CDH13: variants seen among roughly 807,000 people sequenced by gnomAD.
The protein encoded by CDH13 is cadherin 13.
A neutral mutation model predicts 63.8 loss-of-function variants in CDH13; 24 were observed. The ratio of observed to expected loss-of-function variants is 0.38; its 90% CI spans 0.27 to 0.53. The LOEUF is 0.53. CDH13 is among the 20% of genes least tolerant of loss of function. The pLI is 0.85. For missense variants in CDH13, 1,049 were observed against 903.1 expected (o/e 1.16, Z -2.07); for synonymous variants, 503 against 355.3 (o/e 1.42, Z -4.67).
At chr16:83,630,420 G>C (rs1380548854) in intron 8 of CDH13, among the ~76,000 whole-genome samples, 1 of 152,154 alleles carries the variant, frequency 6.6e-6, no homozygotes, top group East Asian at 1.9e-4. Context: ...ATGCATTTTA[G>C]GGACACATGA....
chr16:83,783,040 C>T (rs1304355448), intron 12 of CDH13, among the ~76,000 whole-genome samples: 3 of 152,166 alleles, frequency 2.0e-5, no homozygotes, highest in East Asian at 1.9e-4. Context: ...AGCCAGCAGC[C>T]ATGTGTGGCT....
intron 2 of CDH13, among the ~76,000 whole-genome samples, chr16:83,012,840 G>A (rs1285595363): frequency 6.6e-6 from 1 of 152,108 alleles, no homozygotes; most frequent in Admixed American, 6.5e-5. Flanking sequence ...AAAAAGTTAA[G>A]CCTCTTGAGA....
chr16:83,464,901 C>G (rs1307612081), intron 6 of CDH13, among the ~76,000 whole-genome samples: 5 of 152,284 alleles, frequency 3.3e-5, no homozygotes, highest in Admixed American at 6.5e-5. Context: ...CCTCGGCCTC[C>G]CAAAGTACTG....
intron 2 of CDH13, among the ~76,000 whole-genome samples, chr16:82,997,172 G>A (rs111596036): frequency 0.022 from 3,414 of 152,110 alleles, 123 homozygotes; most frequent in African/African-American, 0.075. Flanking sequence ...TAGTGATGGT[G>A]ATGATGGTGG....
chr16:83,748,649 T>G (rs151188880), intron 11 of CDH13, among the ~76,000 whole-genome samples: 1 of 152,354 alleles, frequency 6.6e-6, no homozygotes, highest in East Asian at 1.9e-4. Flanking sequence ...ATTGTTCTTG[T>G]AGCTTTTATC....
intron 1 of CDH13, among the ~76,000 whole-genome samples, chr16:82,663,809 G>A (rs920012340): frequency 6.6e-6 from 1 of 152,172 alleles, no homozygotes; most frequent in Non-Finnish European, 1.5e-5. Flanking sequence ...TCCCCTTTGT[G>A]ATCCTCTTCT....
At chr16:83,166,513 T>C (rs1158001586) in intron 4 of CDH13, among the ~76,000 whole-genome samples, 4 of 152,110 alleles carry the variant, frequency 2.6e-5, no homozygotes, top group Admixed American at 1.3e-4. Context: ...CAGAAACATA[T>C]GAACTTCAAG....
At chr16:83,668,180 T>G (rs1019558017) in intron 8 of CDH13, among the ~76,000 whole-genome samples, 1 of 152,146 alleles carries the variant, frequency 6.6e-6, no homozygotes, top group East Asian at 1.9e-4. Flanking sequence ...GCTTTGTCCC[T>G]TCACATTCCC....
intron 2 of CDH13, among the ~76,000 whole-genome samples, chr16:82,919,902 T>C (rs2042102309): frequency 6.6e-6 from 1 of 152,172 alleles, no homozygotes; most frequent in Non-Finnish European, 1.5e-5. Context: ...TATTGAAACT[T>C]AGAGTCAAAT....
rs1447663281 is a variant in CDH13, at chr16:83,670,815, C to T, written c.1127C>T (p.Ala376Val). 1.2e-6 allele frequency: 2 copies of T among 1,613,828 alleles called. No homozygotes were observed. Among genetic ancestry groups the T allele is most frequent in the Non-Finnish European group, 1.7e-6 (2 of 1,179,844 alleles). ...TTTCAAGCCACAGTCGAGGAAGGAG[C>T]TGTGGGAGTTATTGTCAATTTGACA... is the stretch of plus-strand genomic sequence containing the variant. ...KEFQATVEEG[A>V]VGVIVNLTVE... Residue 376 changes from alanine to valine, a missense_variant, in exon 9 of 14, where the codon GCT (alanine) becomes GTT (valine). Coordinates refer to ENST00000567109, the MANE Select transcript of CDH13 (RefSeq NM_001257.5).
chr16:83,740,568 G>C (rs567332380), intron 10 of CDH13, among the ~76,000 whole-genome samples: 18 of 152,136 alleles, frequency 1.2e-4, no homozygotes, highest in Non-Finnish European at 2.5e-4. Flanking sequence ...GCAAAGTTTT[G>C]GTCCATGTGC....
chr16:83,337,377 T>A (rs2090621675), intron 5 of CDH13, among the ~76,000 whole-genome samples: 1 of 152,138 alleles, frequency 6.6e-6, no homozygotes, highest in African/African-American at 2.4e-5. Context: ...TTTAGCTCCT[T>A]CTCCATTTCA....
At chr16:83,147,083 A>G (rs1438040805) in intron 4 of CDH13, among the ~76,000 whole-genome samples, 2 of 152,112 alleles carry the variant, frequency 1.3e-5, no homozygotes, top group East Asian at 1.9e-4. Flanking sequence ...GTGAGACTCC[A>G]TCTTAAAAAA....
chr16:83,045,587 A>G (rs1036205607), intron 3 of CDH13, among the ~76,000 whole-genome samples: 2 of 149,788 alleles, frequency 1.3e-5, no homozygotes, highest in Non-Finnish European at 1.5e-5. Flanking sequence ...CAGTGATCCA[A>G]GATCACGCCA....
chr16:82,711,049 A>G (rs1406831595), intron 1 of CDH13, among the ~76,000 whole-genome samples: 4 of 151,900 alleles, frequency 2.6e-5, no homozygotes, highest in African/African-American at 7.3e-5. Context: ...AGTAGCTGAA[A>G]GTCTGGGCCA....
At chr16:82,675,932 A>C (rs1203007194) in intron 1 of CDH13, among the ~76,000 whole-genome samples, 1 of 152,178 alleles carries the variant, frequency 6.6e-6, no homozygotes, top group Non-Finnish European at 1.5e-5. Context: ...TGTAAGCAGC[A>C]AACTGCCTCT....
chr16:83,139,655 A>G (rs990733022), intron 4 of CDH13, among the ~76,000 whole-genome samples: 2 of 152,190 alleles, frequency 1.3e-5, no homozygotes, highest in Admixed American at 1.3e-4. Context: ...TTATAAGAGT[A>G]ATATGTGTTT....
intron 4 of CDH13, among the ~76,000 whole-genome samples, chr16:83,143,200 A>G (rs940735004): frequency 1.4e-4 from 22 of 152,232 alleles, no homozygotes. Context: ...TGATGAATAA[A>G]AAATATTTTT....
chr16:83,446,895 C>G (rs1179028050), intron 6 of CDH13, among the ~76,000 whole-genome samples: 1 of 151,498 alleles, frequency 6.6e-6, no homozygotes, highest in Non-Finnish European at 1.5e-5. Context: ...AAGCTGGGGA[C>G]CATGTTTACC....
Sources: allele counts gnomAD v4.1 joint callset (sites outside exome capture counted in the v4.1 genomes callset), GRCh38; gene constraint gnomAD v4.1.1; transcripts MANE v1.5; gene names NCBI Gene and HGNC (gene_info 2026-07-23, HGNC 2026-07-21).